The following XYLT1 variants were observed in gnomAD, a reference collection of about 807,000 sequenced individuals.
XYLT1 encodes the protein beta-D-xylosyltransferase 1.
Under a neutral mutation model 91.3 loss-of-function variants are expected in XYLT1, and 36 were observed. The ratio of observed to expected loss-of-function variants is 0.39; its 90% confidence interval spans 0.30 to 0.52. XYLT1 has a LOEUF of 0.52. XYLT1 is among the 20% of genes least tolerant of loss of function. The pLI, the probability that XYLT1 is intolerant of heterozygous loss-of-function variation, is 0.68. For synonymous variants in XYLT1, 588 were observed against 532.0 expected (o/e 1.11, Z -1.45); for missense variants, 1,242 against 1,284.5 (o/e 0.97, Z 0.51).
At chr16:17,458,141 C>T (rs2036769304) in intron 1 of XYLT1, among the ~76,000 whole-genome samples, 1 of 152,156 alleles carries the variant, frequency 6.6e-6, no homozygotes, top group South Asian at 2.1e-4. Context: ...CGTCCTTGGG[C>T]TCCCGGCTTT....
At chr16:17,232,306 T>C (rs1251085269) in intron 3 of XYLT1, among the ~76,000 whole-genome samples, 1 of 143,696 alleles carries the variant, frequency 7.0e-6, no homozygotes, top group Non-Finnish European at 1.5e-5. Context: ...ATATCTATAA[T>C]AGATATTATA....
At chr16:17,204,163 G>C (rs982754820) in intron 3 of XYLT1, among the ~76,000 whole-genome samples, 1 of 152,194 alleles carries the variant, frequency 6.6e-6, no homozygotes, top group Non-Finnish European at 1.5e-5. Flanking sequence ...GGAGATTTGC[G>C]ATATAGAGGA....
chr16:17,390,147 C>T (rs1045043011), intron 1 of XYLT1, among the ~76,000 whole-genome samples: 1 of 152,154 alleles, frequency 6.6e-6, no homozygotes, highest in Non-Finnish European at 1.5e-5. Context: ...TTAATCCGAA[C>T]ATCATTTCCA....
intron 1 of XYLT1, among the ~76,000 whole-genome samples, chr16:17,376,737 G>T (rs2035605941): frequency 6.8e-6 from 1 of 146,306 alleles, no homozygotes; most frequent in African/African-American, 2.5e-5. Flanking sequence ...TGAGGCAGGA[G>T]AATCGCTTGA....
intron 1 of XYLT1, among the ~76,000 whole-genome samples, chr16:17,420,092 A>T (rs2036233115): frequency 6.6e-6 from 1 of 152,036 alleles, no homozygotes; most frequent in East Asian, 1.9e-4. Context: ...TTGTCTTTGT[A>T]GGATCAAGCC....
At chr16:17,428,450 AG>A (rs1371114346) in intron 1 of XYLT1, among the ~76,000 whole-genome samples, 1 of 152,192 alleles carries the variant, frequency 6.6e-6, no homozygotes, top group Non-Finnish European at 1.5e-5. Context: ...AGCCAGGCTG[AG>A]GGGCTGTTGA....
chr16:17,376,986 G>A (rs1038969501), intron 1 of XYLT1, among the ~76,000 whole-genome samples: 2 of 152,050 alleles, frequency 1.3e-5, no homozygotes, highest in Non-Finnish European at 2.9e-5. Context: ...AGACCAGCCT[G>A]GCCAATATGG....
chr16:17,393,341 A>G (rs772777357), intron 1 of XYLT1, among the ~76,000 whole-genome samples: 16 of 152,192 alleles, frequency 1.1e-4, no homozygotes, highest in Admixed American at 3.9e-4. Flanking sequence ...TGCAGGAGCA[A>G]TTCTGTTACA....
At chr16:17,399,613 C>T (rs1376583534) in intron 1 of XYLT1, among the ~76,000 whole-genome samples, 1 of 152,190 alleles carries the variant, frequency 6.6e-6, no homozygotes, top group Non-Finnish European at 1.5e-5. Flanking sequence ...AAAATAATGG[C>T]ATTTTCTCAA....
intron 2 of XYLT1, among the ~76,000 whole-genome samples, chr16:17,296,353 G>A (rs760685054): frequency 6.6e-6 from 1 of 152,138 alleles, no homozygotes; most frequent in African/African-American, 2.4e-5. Context: ...GGGGCTTCGC[G>A]GGTGATTTTT....
At chr16:17,401,846 T>A (rs1320095305) in intron 1 of XYLT1, among the ~76,000 whole-genome samples, 4 of 152,002 alleles carry the variant, frequency 2.6e-5, no homozygotes, top group Non-Finnish European at 5.9e-5. Flanking sequence ...ATAAAAGCCA[T>A]AGGCCCAAAG....
At position 17,200,168 on chromosome 16, in the gene XYLT1, C is replaced by T. The variant is rs558873766; in HGVS notation, c.1086+314G>A. 2.8e-3 allele frequency among the ~76,000 whole-genome samples: 416 copies of T among 151,088 alleles called. 1 individual carries two copies. The highest frequency in any genetic ancestry group is 9.6e-3 in the African/African-American group (393 of 41,026). On this transcript the variant is annotated intron_variant, in intron 4 of 11. Transcript: ENST00000261381. Reference sequence around the variant, plus strand: ...CCCAGGAGGCAGAGGTTGCAGTGAGCGGAGATCATGCCACGGCACTCCAGC... The same window carrying T: ...CCCAGGAGGCAGAGGTTGCAGTGAGTGGAGATCATGCCACGGCACTCCAGC...
In XYLT1 at chr16:17,419,187, G is replaced by A. The variant is rs141345556; in HGVS notation, c.363+51247C>T. The stretch of plus-strand genomic sequence containing the variant: ...TTTGAGTATGGAATGACCTTGGCTA[G>A]TTCGTGAAGCCATCCATGGTGGTGA... On this transcript the variant is annotated intron_variant, in intron 1 of 11. Transcript: ENST00000261381. Among the ~76,000 whole-genome samples, 441 of 150,930 alleles carry A rather than the reference G, an allele frequency of 2.9e-3. 4 individuals are homozygous for A. The highest frequency in any genetic ancestry group is 0.01 in the African/African-American group (420 of 41,124).
At chr16:17,463,461 T>C (rs2036847881) in intron 1 of XYLT1, among the ~76,000 whole-genome samples, 1 of 152,140 alleles carries the variant, frequency 6.6e-6, no homozygotes, top group Non-Finnish European at 1.5e-5. Context: ...CCAATGGATA[T>C]ATAAAAAAAT....
intron 3 of XYLT1, among the ~76,000 whole-genome samples, chr16:17,236,795 T>C (rs1420612952): frequency 6.6e-6 from 1 of 152,206 alleles, no homozygotes; most frequent in Non-Finnish European, 1.5e-5. Flanking sequence ...AGTGTGCATG[T>C]CTATCTGTGG....
intron 3 of XYLT1, among the ~76,000 whole-genome samples, chr16:17,253,861 A>AGAGAGAGAGAGAGC (rs2033587092): frequency 6.9e-6 from 1 of 145,022 alleles, no homozygotes; most frequent in Admixed American, 6.8e-5. Context: ...AGAGAGAGAG[A>AGAGAGAGAGAGAGC]GCGAGCCTGC....
At chr16:17,400,128 C>A (rs2035945282) in intron 1 of XYLT1, among the ~76,000 whole-genome samples, 1 of 152,186 alleles carries the variant, frequency 6.6e-6, no homozygotes, top group Admixed American at 6.5e-5. Flanking sequence ...CAGTCTTCGG[C>A]CAGGTAGACA....
chr16:17,133,011 A>G (rs1449563585), intron 9 of XYLT1, among the ~76,000 whole-genome samples: 2 of 152,250 alleles, frequency 1.3e-5, no homozygotes, highest in Non-Finnish European at 2.9e-5. Context: ...TTCACAGATG[A>G]GGAAACCGAA....
intron 2 of XYLT1, among the ~76,000 whole-genome samples, chr16:17,288,222 C>T (rs1019373285): frequency 4.0e-5 from 6 of 151,588 alleles, no homozygotes; most frequent in African/African-American, 1.5e-4. Flanking sequence ...AGCCACTGGG[C>T]CCCACCTAGA....
Sources: gnomAD v4.1 joint callset for allele counts (sites outside exome capture counted in the v4.1 genomes callset) on GRCh38, gnomAD v4.1.1 for gene constraint, MANE v1.5 for transcripts, NCBI Gene and HGNC (gene_info 2026-07-23, HGNC 2026-07-21) for gene names.